ATP2B1: variants seen among roughly 807,000 people sequenced by gnomAD.
ATP2B1 encodes plasma membrane calcium-transporting ATPase 1.
Under a neutral mutation model 124.2 loss-of-function variants are expected in ATP2B1, and 14 were observed. That is an observed-to-expected ratio of 0.11 (90% CI 0.07 to 0.18). The LOEUF is 0.18. Ranked by LOEUF, ATP2B1 falls within the 10% of genes least tolerant of loss-of-function variation. ATP2B1 has a pLI of 1.00. For synonymous variants in ATP2B1, 449 were observed against 492.4 expected, an observed-to-expected ratio of 0.91 and a Z score of 1.17; for missense variants, 763 against 1,466.1, an observed-to-expected ratio of 0.52 and a Z score of 7.83.
chr12:89,591,351 TG>T, intron 20 of ATP2B1, 56 bp from the exon 21 acceptor site: 6 of 1,474,764 alleles, frequency 4.1e-6, no homozygotes, highest in Non-Finnish European at 5.5e-6. Context: ...AACTTAAAAA[TG>T]GTTCATTTAT....
chr12:89,600,720 C>T (rs1035835134), intron 19 of ATP2B1, among the ~76,000 whole-genome samples: 1 of 150,630 alleles, frequency 6.6e-6, no homozygotes, highest in Non-Finnish European at 1.5e-5. Context: ...GCGATCTTGG[C>T]TCACTGCAAC....
intron 9 of ATP2B1, among the ~76,000 whole-genome samples, chr12:89,622,573 AG>A (rs1434625768): frequency 6.6e-6 from 1 of 152,126 alleles, no homozygotes; most frequent in Non-Finnish European, 1.5e-5. Context: ...TATTTTACAA[AG>A]TGTTTTTTGT....
At chr12:89,703,507 T>C (rs1892100484) in intron 1 of ATP2B1, among the ~76,000 whole-genome samples, 1 of 152,232 alleles carries the variant, frequency 6.6e-6, no homozygotes, top group Non-Finnish European at 1.5e-5. Flanking sequence ...TCTGAAGGAA[T>C]ATCCGATCTT....
intron 11 of ATP2B1, 104 bp from the exon 12 acceptor site, chr12:89,617,143 G>A (rs1450161875): frequency 2.5e-6 from 2 of 794,770 alleles, no homozygotes; most frequent in African/African-American, 3.5e-5. Context: ...CTGATATCTG[G>A]AATTTAGAGA....
At chr12:89,655,457 T>C in intron 2 of ATP2B1, 2 of 535,996 alleles carry the variant, frequency 3.7e-6, no homozygotes, top group Non-Finnish European at 3.3e-6. Context: ...GAACAAAATA[T>C]TTCATCCCGC....
At chr12:89,624,424 T>C (rs201679568) in intron 8 of ATP2B1, 27 bp from the exon 9 acceptor site, 4 of 1,574,074 alleles carry the variant, frequency 2.5e-6, no homozygotes, top group Middle Eastern at 1.8e-4. Context: ...GAAAGAAAAA[T>C]GTGATTATTA....
chr12:89,681,987 T>A (rs1465877892), intron 1 of ATP2B1, among the ~76,000 whole-genome samples: 1 of 152,130 alleles, frequency 6.6e-6, no homozygotes, highest in Non-Finnish European at 1.5e-5. Flanking sequence ...GACATAATAG[T>A]AGACCTTGAA....
intron 1 of ATP2B1, among the ~76,000 whole-genome samples, chr12:89,656,683 C>A (rs1241165906): frequency 6.6e-6 from 1 of 152,182 alleles, no homozygotes; most frequent in Non-Finnish European, 1.5e-5. Context: ...TCATTGGCCA[C>A]TCTGTGACTC....
chr12:89,591,702 A>C (rs1011056406), intron 20 of ATP2B1, among the ~76,000 whole-genome samples: 2 of 152,066 alleles, frequency 1.3e-5, no homozygotes, highest in African/African-American at 2.4e-5. Flanking sequence ...AAACAAAATC[A>C]AGCACAAAGG....
chr12:89,626,760 C>T (rs1208275364), intron 7 of ATP2B1, 145 bp from the exon 8 acceptor site: 6 of 894,152 alleles, frequency 6.7e-6, no homozygotes, highest in Non-Finnish European at 9.5e-6. Context: ...TGTGTGTCTA[C>T]ACAGAGAAAA....
chr12:89,653,243 T>C (rs1885491258), intron 2 of ATP2B1, among the ~76,000 whole-genome samples: 1 of 151,324 alleles, frequency 6.6e-6, no homozygotes, highest in Non-Finnish European at 1.5e-5. Flanking sequence ...TGAATTTATC[T>C]AATAGCCCAA....
At position 89,590,869 on chromosome 12, in the gene ATP2B1, C is replaced by T; in HGVS notation, c.*115G>A. On this transcript the variant is annotated 3_prime_UTR_variant, in exon 21 of 21. Transcript: ENST00000428670. The stretch of plus-strand genomic sequence containing the variant: ...TAAATCTACATTCGTACAAGTGTGT[C>T]TTCTGTTGAAGTCCAAAGACAAGAA... The T allele has an allele frequency of 6.0e-6, 6 of 1,005,276 alleles. No homozygotes were observed. Among genetic ancestry groups the T allele is most frequent in the South Asian group, 1.8e-5 (1 of 55,684 alleles). 62.3% of individuals were successfully genotyped at this position (1,005,276 alleles called of 1,614,324 possible). A position where few individuals can be genotyped will look rare whatever the true frequency, so the allele number is the denominator to read the frequency against.
At chr12:89,637,296 A>G (rs926745987) in intron 3 of ATP2B1, among the ~76,000 whole-genome samples, 16 of 152,220 alleles carry the variant, frequency 1.1e-4, no homozygotes, top group African/African-American at 3.9e-4. Flanking sequence ...GGATTTATAT[A>G]ATGTTGTGTT....
intron 12 of ATP2B1, 74 bp from the exon 13 acceptor site, chr12:89,611,446 G>A (rs962178414): frequency 5.6e-6 from 7 of 1,242,092 alleles, no homozygotes; most frequent in East Asian, 2.5e-5. Flanking sequence ...CACTGCACAC[G>A]ACTGCATTAA....
chr12:89,668,483 T>A (rs1887563696), intron 1 of ATP2B1, among the ~76,000 whole-genome samples: 1 of 152,336 alleles, frequency 6.6e-6, no homozygotes, highest in South Asian at 2.1e-4. Context: ...AGCTCCTGAC[T>A]TCCTAATTCT....
chr12:89,610,664 A>C (rs887989245), intron 13 of ATP2B1, 156 bp from the exon 14 acceptor site: 40 of 630,868 alleles, frequency 6.3e-5, no homozygotes, highest in African/African-American at 1.8e-5. Flanking sequence ...TTGGGCATGG[A>C]CCCAGATCTA....
At chr12:89,677,446 A>G (rs1888748336) in intron 1 of ATP2B1, among the ~76,000 whole-genome samples, 1 of 152,158 alleles carries the variant, frequency 6.6e-6, no homozygotes, top group Non-Finnish European at 1.5e-5. Flanking sequence ...ACTAATGGCA[A>G]TATCTGATTC....
chr12:89,700,372 C>T (rs1307196434), intron 1 of ATP2B1, among the ~76,000 whole-genome samples: 23 of 152,056 alleles, frequency 1.5e-4, no homozygotes, highest in Admixed American at 1.1e-3. Context: ...AGTAGTTCTC[C>T]GCTATGGTAT....
chr12:89,691,117 C>T (rs1311582399), intron 1 of ATP2B1, among the ~76,000 whole-genome samples: 1 of 152,016 alleles, frequency 6.6e-6, no homozygotes, highest in Non-Finnish European at 1.5e-5. Flanking sequence ...ACAGCTGGGC[C>T]CACATGCCTT....
Sources: gnomAD v4.1 joint callset for allele counts (sites outside exome capture counted in the v4.1 genomes callset) on GRCh38, gnomAD v4.1.1 for gene constraint, MANE v1.5 for transcripts, NCBI Gene and HGNC (gene_info 2026-07-23, HGNC 2026-07-21) for gene names.